Variants in LINGO2 observed in about 807,000 individuals in gnomAD.
The protein encoded by LINGO2 is leucine-rich repeat and immunoglobulin-like domain-containing nogo receptor-interacting protein 2.
In LINGO2, 14 loss-of-function variants were observed where a neutral mutation model predicts 30.6. The ratio of observed to expected loss-of-function variants is 0.46; its 90% CI spans 0.30 to 0.72. The LOEUF (loss-of-function observed/expected upper bound fraction) is 0.72. Ranked by LOEUF, LINGO2 falls within the 30% of genes least tolerant of loss-of-function variation. The probability of loss-of-function intolerance (pLI) is 0.07; values close to 1 mark genes in which losing one functional copy is unlikely to be tolerated. For synonymous variants in LINGO2, 317 were observed against 288.5 expected, an observed-to-expected ratio of 1.10 and a Z score of -1.00; for missense variants, 729 against 751.7, an observed-to-expected ratio of 0.97 and a Z score of 0.35.
At chr9:28,285,213 T>A (rs1349679987) in intron 4 of LINGO2, among the ~76,000 whole-genome samples, 1 of 151,376 alleles carries the variant, frequency 6.6e-6, no homozygotes, top group East Asian at 2.0e-4. Flanking sequence ...AGACTTCACA[T>A]CATTATCATC....
chr9:29,201,166 T>C, the LINGO2 span, among the ~76,000 whole-genome samples: 5 of 152,116 alleles, frequency 3.3e-5, no homozygotes, highest in Admixed American at 1.3e-4. Context: ...TGGAGAATTA[T>C]ACTCCACTTC....
chr9:28,296,643 A>T (rs1322753305), intron 3 of LINGO2, among the ~76,000 whole-genome samples: 1 of 152,186 alleles, frequency 6.6e-6, no homozygotes, highest in East Asian at 1.9e-4. Flanking sequence ...AAAGGGTTCA[A>T]GTGGAACACA....
chr9:28,692,390 G>A, the LINGO2 span, among the ~76,000 whole-genome samples: 176 of 152,168 alleles, frequency 1.2e-3, no homozygotes, highest in Admixed American at 6.6e-3. Flanking sequence ...CAGGAGAGTC[G>A]CTTGAACCCA....
chr9:29,048,584 G>C, the LINGO2 span, among the ~76,000 whole-genome samples: 4 of 152,046 alleles, frequency 2.6e-5, no homozygotes, highest in Non-Finnish European at 4.4e-5. Flanking sequence ...TACAGAGCTA[G>C]AGTAACCAAA....
At chr9:28,753,391 C>T in the LINGO2 span, among the ~76,000 whole-genome samples, 2 of 151,988 alleles carry the variant, frequency 1.3e-5, no homozygotes, top group Non-Finnish European at 2.9e-5. Context: ...AAGGACAATC[C>T]TAATATAAGG....
At chr9:28,309,775 C>G (rs1388568731) in intron 3 of LINGO2, among the ~76,000 whole-genome samples, 1 of 151,472 alleles carries the variant, frequency 6.6e-6, no homozygotes, top group South Asian at 2.1e-4. Flanking sequence ...ACATAAAAAA[C>G]TCGTGTAAAA....
intron 3 of LINGO2, among the ~76,000 whole-genome samples, chr9:28,347,641 C>T (rs1351736800): frequency 1.3e-5 from 2 of 152,134 alleles, no homozygotes; most frequent in African/African-American, 2.4e-5. Flanking sequence ...GTTACATGTT[C>T]GAATAAGCTA....
the LINGO2 span, among the ~76,000 whole-genome samples, chr9:28,852,068 A>T: frequency 1.3e-5 from 2 of 151,968 alleles, no homozygotes; most frequent in African/African-American, 4.8e-5. Flanking sequence ...GATTGATAAA[A>T]GTACCTGTAC....
chr9:28,155,540 A>T (rs1014298914), intron 4 of LINGO2, among the ~76,000 whole-genome samples: 8 of 152,198 alleles, frequency 5.3e-5, no homozygotes, highest in African/African-American at 1.9e-4. Context: ...TGCCCAAGAT[A>T]CGTTTGTGGA....
chr9:28,384,151 A>G (rs1292807872), intron 2 of LINGO2, among the ~76,000 whole-genome samples: 6 of 151,704 alleles, frequency 4.0e-5, no homozygotes, highest in African/African-American at 1.4e-4. Flanking sequence ...AATTGCATTT[A>G]GACAATTACA....
intron 4 of LINGO2, among the ~76,000 whole-genome samples, chr9:28,267,024 G>T (rs906994224): frequency 3.3e-5 from 5 of 152,020 alleles, no homozygotes; most frequent in African/African-American, 1.2e-4. Flanking sequence ...GGTGCAGGGA[G>T]AAACTAAAGA....
At position 27,949,869 on chromosome 9, in the gene LINGO2, G is replaced by T. The variant is rs143667679; in HGVS notation, c.803C>A (p.Ala268Asp). ...AGTCAGGTATACCAGGTGTTTAAAG[G>T]CAAGGAAGGGTACAGTAGACAGATT... Residue 268 changes from alanine (A) to aspartate (D), a missense_variant, in exon 6 of 6, where the codon GCC becomes GAC. Transcript: ENST00000379992. 20 of 1,613,938 alleles carry T rather than the reference G, an allele frequency of 1.2e-5. No individual in the cohort carries two copies. The African/African-American group carries it at 2.4e-4, about 19-fold the overall frequency.
the LINGO2 span, among the ~76,000 whole-genome samples, chr9:28,979,626 T>C: frequency 1.3e-5 from 2 of 152,220 alleles, no homozygotes; most frequent in East Asian, 1.9e-4. Context: ...TTGAATACTA[T>C]ACATTGTTTA....
chr9:28,718,388 A>G, the LINGO2 span, among the ~76,000 whole-genome samples: 1 of 152,018 alleles, frequency 6.6e-6, no homozygotes, highest in African/African-American at 2.4e-5. Context: ...ATATATGTAT[A>G]ATACATAAAC....
At chr9:29,175,522 A>AT in the LINGO2 span, among the ~76,000 whole-genome samples, 252 of 110,384 alleles carry the variant, frequency 2.3e-3, 1 homozygote, top group African/African-American at 2.8e-3. Context: ...TATCTCCGAG[A>AT]TTTTTTTTTT....
intron 4 of LINGO2, among the ~76,000 whole-genome samples, chr9:28,029,754 T>C (rs752743591): frequency 1.6e-4 from 25 of 152,222 alleles, no homozygotes; most frequent in Non-Finnish European, 3.1e-4. Context: ...AGGGTGCTGA[T>C]ATTATATAAA....
At chr9:28,126,447 A>G (rs1827238624) in intron 4 of LINGO2, among the ~76,000 whole-genome samples, 1 of 152,212 alleles carries the variant, frequency 6.6e-6, no homozygotes, top group African/African-American at 2.4e-5. Context: ...ATGGAACTCT[A>G]CCATCTTGTA....
chr9:28,154,481 A>G (rs1270232423), intron 4 of LINGO2, among the ~76,000 whole-genome samples: 1 of 152,148 alleles, frequency 6.6e-6, no homozygotes, highest in East Asian at 1.9e-4. Context: ...GTAGGTTTTT[A>G]TTTATGAAGG....
chr9:29,004,402 A>G, the LINGO2 span, among the ~76,000 whole-genome samples: 58 of 152,116 alleles, frequency 3.8e-4, no homozygotes, highest in African/African-American at 1.3e-3. Context: ...TTATCAAGAA[A>G]TTCTGGTTAA....
Sources: gnomAD v4.1 joint callset for allele counts (sites outside exome capture counted in the v4.1 genomes callset) on GRCh38, gnomAD v4.1.1 for gene constraint, MANE v1.5 for transcripts, NCBI Gene and HGNC (gene_info 2026-07-23, HGNC 2026-07-21) for gene names.